TRPC4AP: variants seen among roughly 807,000 people sequenced by gnomAD.
TRPC4AP encodes transient receptor potential cation channel subfamily C member 4 associated protein, also known as short transient receptor potential channel 4-associated protein.
TRPC4AP carries 45 observed loss-of-function variants against 99.0 expected under a neutral mutation model. That is an observed-to-expected ratio of 0.45 (90% CI 0.36 to 0.58). The LOEUF (loss-of-function observed/expected upper bound fraction) is 0.58. Among genes scored for constraint, TRPC4AP ranks in the 20% least tolerant of loss-of-function variants. The pLI is 0.00. For synonymous variants in TRPC4AP, 408 were observed against 385.8 expected, an observed-to-expected ratio of 1.06 and a Z score of -0.67; for missense variants, 879 against 985.3, an observed-to-expected ratio of 0.89 and a Z score of 1.44.
At chr20:35,029,711 C>CTGCAAG (rs2083127189) in intron 8 of TRPC4AP, among the ~76,000 whole-genome samples, 1 of 132,162 alleles carries the variant, frequency 7.6e-6, no homozygotes, top group Admixed American at 8.5e-5. Context: ...TCTCGGTTCA[C>CTGCAAG]TGCAAGCTCC....
At chr20:35,070,631 C>T (rs1437948506) in intron 2 of TRPC4AP, among the ~76,000 whole-genome samples, 1 of 152,300 alleles carries the variant, frequency 6.6e-6, no homozygotes, top group East Asian at 1.9e-4. Context: ...ATCTCCTAAC[C>T]TTGTGATCCA....
At chr20:35,065,458 G>C (rs1488764155) in intron 3 of TRPC4AP, among the ~76,000 whole-genome samples, 3 of 152,208 alleles carry the variant, frequency 2.0e-5, no homozygotes, top group Admixed American at 6.5e-5. Context: ...GGGTCAGGCT[G>C]ACAAGGAGTG....
chr20:35,015,192 G>T (rs1215625383), intron 10 of TRPC4AP, among the ~76,000 whole-genome samples: 3 of 152,088 alleles, frequency 2.0e-5, no homozygotes, highest in Non-Finnish European at 2.9e-5. Flanking sequence ...GTAGAGACGG[G>T]GTTTCACCAT....
intron 7 of TRPC4AP, among the ~76,000 whole-genome samples, chr20:35,044,154 G>GA (rs1216500486): frequency 2.0e-5 from 3 of 152,096 alleles, no homozygotes; most frequent in Non-Finnish European, 2.9e-5. Context: ...ACTTCGGGAA[G>GA]ATGAGGTGGG....
At chr20:35,073,632 G>A (rs1016320263) in intron 2 of TRPC4AP, among the ~76,000 whole-genome samples, 14 of 152,156 alleles carry the variant, frequency 9.2e-5, no homozygotes, top group African/African-American at 1.9e-4. Context: ...CAACTTGATC[G>A]TGGTGAATAA....
Position 35,003,481 on chromosome 20 carries a change from A to G in TRPC4AP, c.2185T>C (p.Phe729Leu), listed in dbSNP as rs142961539. ...KKYPGFLLNN[F>L]HNLLRFWQQH... Reference sequence around the variant, plus strand: ...TGCCAGAAGCGCAGCAGGTTGTGGAAGTTGTTGAGCAGGAAGCCGGGGTAC... The same window carrying G: ...TGCCAGAAGCGCAGCAGGTTGTGGAGGTTGTTGAGCAGGAAGCCGGGGTAC... The change falls in exon 18 of 19, where the codon TTC (phenylalanine) becomes CTC (leucine). Residue 729 changes from phenylalanine (F) to leucine (L), a missense_variant. Physicochemically the swap from Phe to Leu is conservative, Grantham distance 22 (BLOSUM62 0). This residue lies in a region of TRPC4AP where 224 missense variants were observed against 264.7 expected (regional missense o/e 0.85). Coordinates refer to ENST00000252015, the MANE Select transcript of TRPC4AP (RefSeq NM_015638.3). 907 of 1,614,032 alleles carry G rather than the reference A, an allele frequency of 5.6e-4. 2 individuals carry two copies. The highest frequency in any genetic ancestry group is 7.4e-4 in the Non-Finnish European group (871 of 1,180,000).
Position 35,044,499 on chromosome 20 carries a change from C to G in TRPC4AP, c.865+6G>C. 1 of 1,612,918 alleles carries G rather than the reference C, an allele frequency of 6.2e-7. No individual in the cohort carries two copies. The highest frequency in any genetic ancestry group is 1.3e-5 in the African/African-American group (1 of 74,914). On this transcript the variant is annotated splice_donor_region_variant and intron_variant, in intron 7 of 18. Coordinates refer to ENST00000252015, the MANE Select transcript of TRPC4AP (RefSeq NM_015638.3). ...TCTCAAAATTCTGAGAACTTGGAGA[C>G]TTTACCTTGATTGATTTCAGCTGCA...
chr20:35,073,232 T>C (rs370793030), intron 2 of TRPC4AP, among the ~76,000 whole-genome samples: 9 of 152,208 alleles, frequency 5.9e-5, no homozygotes, highest in East Asian at 1.9e-4. Context: ...CAGGGACAAT[T>C]TGACTTCCTC....
chr20:35,030,039 C>G (rs1350211469), intron 8 of TRPC4AP, among the ~76,000 whole-genome samples: 1 of 149,218 alleles, frequency 6.7e-6, no homozygotes, highest in East Asian at 2.0e-4. Context: ...GTCAGGAGAT[C>G]GAGACCAGCC....
chr20:35,086,984 G>C (rs2084902763), intron 1 of TRPC4AP, among the ~76,000 whole-genome samples: 1 of 151,630 alleles, frequency 6.6e-6, no homozygotes, highest in African/African-American at 2.4e-5. Flanking sequence ...AGTGAGCCGA[G>C]ACTGTGCACT....
At chr20:35,052,817 T>G (rs1176807130) in intron 5 of TRPC4AP, among the ~76,000 whole-genome samples, 4 of 152,124 alleles carry the variant, frequency 2.6e-5, no homozygotes, top group Non-Finnish European at 5.9e-5. Context: ...ACTTTTGAAT[T>G]CAAACATCTT....
chr20:35,077,969 A>C, intron 2 of TRPC4AP, 77 bp downstream of exon 2: 1 of 1,469,462 alleles, frequency 6.8e-7, no homozygotes, highest in Non-Finnish European at 9.2e-7. Flanking sequence ...AGCCAACGGA[A>C]GGGAAAAAAA....
intron 11 of TRPC4AP, among the ~76,000 whole-genome samples, chr20:35,011,630 CCACAACACCCT>C (rs1447859326): frequency 1.6e-5 from 1 of 64,046 alleles, no homozygotes; most frequent in Non-Finnish European, 4.6e-5. Context: ...TGACTGTGAC[CCACAACACCCT>C]GTGACTGTGA....
intron 2 of TRPC4AP, among the ~76,000 whole-genome samples, chr20:35,076,060 A>G (rs569110038): frequency 6.6e-6 from 1 of 152,204 alleles, no homozygotes; most frequent in Admixed American, 6.5e-5. Flanking sequence ...TGGCTACTGA[A>G]GCTTGTGCAT....
intron 1 of TRPC4AP, among the ~76,000 whole-genome samples, chr20:35,079,572 GAGAAAA>G (rs1001034926): frequency 3.9e-5 from 6 of 151,942 alleles, no homozygotes; most frequent in Admixed American, 2.6e-4. Context: ...AAAATCAAGA[GAGAAAA>G]CAAAACCAAA....
At chr20:35,007,957 G>T (rs2082549477) in intron 13 of TRPC4AP, among the ~76,000 whole-genome samples, 2 of 152,218 alleles carry the variant, frequency 1.3e-5, no homozygotes, top group Non-Finnish European at 2.9e-5. Flanking sequence ...CCTTTCACAA[G>T]AATGGGAGGA....
intron 17 of TRPC4AP, among the ~76,000 whole-genome samples, 159 bp downstream of exon 17, chr20:35,004,299 T>C (rs1229644645): frequency 6.6e-6 from 1 of 152,158 alleles, no homozygotes; most frequent in Non-Finnish European, 1.5e-5. Context: ...GCCCTGTCTG[T>C]ACAATGGGAC....
intron 1 of TRPC4AP, among the ~76,000 whole-genome samples, chr20:35,092,227 G>T (rs947741262): frequency 6.6e-6 from 1 of 152,156 alleles, no homozygotes; most frequent in African/African-American, 2.4e-5. Context: ...ACCATTTGGG[G>T]GCTGCAATGA....
At chr20:35,020,469 A>G (rs768852706) in intron 9 of TRPC4AP, among the ~76,000 whole-genome samples, 2 of 151,726 alleles carry the variant, frequency 1.3e-5, no homozygotes, top group African/African-American at 2.4e-5. Flanking sequence ...CACCTGGTAC[A>G]CTCTTTCATT....
Sources: allele counts gnomAD v4.1 joint callset (sites outside exome capture counted in the v4.1 genomes callset), GRCh38; gene constraint gnomAD v4.1.1; regional missense constraint gnomAD v4.1.1; transcripts MANE v1.5; gene names NCBI Gene and HGNC (gene_info 2026-07-23, HGNC 2026-07-21).